Variants in SLC5A10 observed in about 807,000 individuals in gnomAD.
The protein encoded by SLC5A10 is sodium/mannose cotransporter SLC5A10.
In SLC5A10, 55 loss-of-function variants were observed where a neutral mutation model predicts 68.9. That is an observed-to-expected ratio of 0.80 (90% CI 0.64 to 1.00). SLC5A10 has a LOEUF of 1.00. Ranked by LOEUF, SLC5A10 falls within the 50% of genes least tolerant of loss-of-function variation. The pLI, the probability that SLC5A10 is intolerant of heterozygous loss-of-function variation, is 0.00. For synonymous variants in SLC5A10, 344 were observed against 344.8 expected, an observed-to-expected ratio of 1.00 and a Z score of 0.02; for missense variants, 732 against 819.3, an observed-to-expected ratio of 0.89 and a Z score of 1.30.
intron 11 of SLC5A10, 65 bp from the exon 12 acceptor site, chr17:19,019,358 G>T (rs940594645): frequency 1.9e-6 from 3 of 1,550,500 alleles, no homozygotes; most frequent in African/African-American, 2.7e-5. Context: ...TAGTGACCAG[G>T]GGAGGTGGGA....
intron 8 of SLC5A10, among the ~76,000 whole-genome samples, chr17:18,972,475 G>C (rs1158505466): frequency 6.6e-6 from 1 of 152,182 alleles, no homozygotes; most frequent in Non-Finnish European, 1.5e-5. Context: ...AGAGTGGAGT[G>C]ACTTTTCCGT....
intron 9 of SLC5A10, chr17:18,978,920 A>C: frequency 6.4e-7 from 1 of 1,554,464 alleles, no homozygotes; most frequent in African/African-American, 1.4e-5. Flanking sequence ...CCGTGCACCC[A>C]TAGCCGCTGG....
rs924423794 is a variant in SLC5A10, at chr17:19,017,587, C to T, written c.1242-1836C>T. 100 of 574,270 alleles carry T rather than the reference C, an allele frequency of 1.7e-4. 1 individual carries two copies. Among genetic ancestry groups the T allele is most frequent in the Non-Finnish European group, 7.4e-5 (24 of 322,620 alleles). The allele number at this position is 574,270 out of a possible 1,614,324, so 35.6% of individuals were successfully genotyped here. A position where few individuals can be genotyped will look rare whatever the true frequency, so the allele number is the denominator to read the frequency against. On this transcript the variant is annotated intron_variant, in intron 11 of 14. Coordinates refer to ENST00000395645, the MANE Select transcript of SLC5A10 (RefSeq NM_001042450.4). This position sits in a 1 kb window ranked among gnomAD's most constrained non-coding sequence, Gnocchi z 5.6. ...CACAGGCTGGGGGAGAGCGATGACCCGCCCCCACTCCCGTATGCCTGCCCC... is the reference window on the plus strand; with the variant it reads ...CACAGGCTGGGGGAGAGCGATGACCTGCCCCCACTCCCGTATGCCTGCCCC...
intron 9 of SLC5A10, among the ~76,000 whole-genome samples, chr17:19,012,828 G>C (rs2044044585): frequency 6.6e-6 from 1 of 152,238 alleles, no homozygotes; most frequent in Non-Finnish European, 1.5e-5. Flanking sequence ...GATGGGCTCT[G>C]ACCCCACGTC....
chr17:18,978,365 G>A lies in SLC5A10; in HGVS notation c.982+1376G>A, dbSNP rs780418569. 1.4e-5 allele frequency: 23 copies of A among 1,596,334 alleles called. No individual in the cohort carries two copies. The highest frequency in any genetic ancestry group is 1.8e-5 in the Non-Finnish European group (21 of 1,171,854). ...GCTGGGCTGGGGGTTCCAGATGTTG[G>A]GGTCGATGATATTGATGTAGCCCAG... On this transcript the variant is annotated intron_variant, in intron 9 of 14. Coordinates refer to ENST00000395645, the MANE Select transcript of SLC5A10 (RefSeq NM_001042450.4).
At chr17:18,989,441 G>A (rs530323218) in intron 9 of SLC5A10, among the ~76,000 whole-genome samples, 2 of 136,984 alleles carry the variant, frequency 1.5e-5, no homozygotes, top group African/African-American at 6.1e-5. Context: ...CTCCTCCTGG[G>A]CCTCAGGCCC....
chr17:18,966,650 T>C (rs1336842786), intron 5 of SLC5A10, among the ~76,000 whole-genome samples: 4 of 149,074 alleles, frequency 2.7e-5, no homozygotes, highest in African/African-American at 5.0e-5. Flanking sequence ...CTCAGGAGGC[T>C]GAGGCAGGAG....
In SLC5A10 at chr17:19,017,187, C is replaced by G; in HGVS notation, c.1241+1988C>G. 2 of 1,144,730 alleles carry G rather than the reference C, an allele frequency of 1.7e-6. No individual in the cohort carries two copies. The highest frequency in any genetic ancestry group is 2.5e-6 in the Non-Finnish European group (2 of 790,600). The allele number at this position is 1,144,730 out of a possible 1,614,324, so 70.9% of individuals were successfully genotyped here. A position where few individuals can be genotyped will look rare whatever the true frequency, so the allele number is the denominator to read the frequency against. The stretch of plus-strand genomic sequence containing the variant: ...GTGCAGGGCAGGTTGCTCACCCTCT[C>G]TGGGCCCCAGTTCTCTCAGCTGCCA... On this transcript the variant is annotated intron_variant, in intron 11 of 14. Transcript: ENST00000395645. This position sits in a 1 kb window ranked among gnomAD's most constrained non-coding sequence, Gnocchi z 5.6.
chr17:18,998,105 G>A lies in SLC5A10; in HGVS notation c.983-15305G>A, dbSNP rs142346057. On this transcript the variant is annotated intron_variant, in intron 9 of 14. Transcript: ENST00000395645. ...TGGCATTTAACCTGGCAAGGTACTC[G>A]AGCCCAGGGGTCATTCAGACCCTTA... Among the ~76,000 whole-genome samples the A allele has an allele frequency of 1.1e-3, 163 of 152,346 alleles. 1 individual carries two copies. Among genetic ancestry groups the A allele is most frequent in the Middle Eastern group, 3.4e-3 (1 of 294 alleles).
chr17:18,969,270 C>T (rs945111821), intron 6 of SLC5A10, 72 bp from the exon 7 acceptor site: 1 of 1,583,526 alleles, frequency 6.3e-7, no homozygotes, highest in Middle Eastern at 1.7e-4. Flanking sequence ...AGCAGGAGCC[C>T]CAGAAGTTCC....
At chr17:19,005,040 C>T (rs1008447806) in intron 9 of SLC5A10, among the ~76,000 whole-genome samples, 3 of 152,180 alleles carry the variant, frequency 2.0e-5, no homozygotes, top group East Asian at 1.9e-4. Context: ...CCCCCCTGTG[C>T]CCCCAGGGTC....
At chr17:18,998,719 A>C (rs1446555025) in intron 9 of SLC5A10, among the ~76,000 whole-genome samples, 1 of 152,152 alleles carries the variant, frequency 6.6e-6, no homozygotes, top group Non-Finnish European at 1.5e-5. Context: ...AGGAGTTAAC[A>C]CCTGGGATTA....
At chr17:18,995,521 C>G (rs1007235520) in intron 9 of SLC5A10, among the ~76,000 whole-genome samples, 1 of 152,032 alleles carries the variant, frequency 6.6e-6, no homozygotes, top group Non-Finnish European at 1.5e-5. Flanking sequence ...TAATTGCAGT[C>G]TCAGAAGGTG....
In SLC5A10 at chr17:18,996,371, C is replaced by T. The variant is rs772416987; in HGVS notation, c.983-17039C>T. Among the ~76,000 whole-genome samples the T allele has an allele frequency of 9.1e-4, 138 of 152,282 alleles. No individual in the cohort carries two copies. Among genetic ancestry groups the T allele is most frequent in the Non-Finnish European group, 1.6e-3 (110 of 68,020 alleles). On this transcript the variant is annotated intron_variant, in intron 9 of 14. Transcript: ENST00000395645. The surrounding 1 kb of genome is among the most constrained non-coding windows in gnomAD (Gnocchi z 4.4). ...GTCCCACTCCCCCTCCCCTCCTCCTCCCCTCCAGGGGGCTGGCAGAATTAG... is the reference window on the plus strand; with the variant it reads ...GTCCCACTCCCCCTCCCCTCCTCCTTCCCTCCAGGGGGCTGGCAGAATTAG...
intron 4 of SLC5A10, among the ~76,000 whole-genome samples, chr17:18,960,276 C>T (rs1156571440): frequency 1.3e-5 from 2 of 152,200 alleles, no homozygotes; most frequent in Non-Finnish European, 2.9e-5. Flanking sequence ...GCCACGGCCC[C>T]TCCAATCCAT....
At chr17:18,953,194 G>A (rs2042411118) in intron 1 of SLC5A10, among the ~76,000 whole-genome samples, 1 of 148,656 alleles carries the variant, frequency 6.7e-6, no homozygotes, top group African/African-American at 2.5e-5. Context: ...GGAGTGCAGT[G>A]GCACTATCTC....
chr17:19,004,059 C>A lies in SLC5A10; in HGVS notation c.983-9351C>A. 1 of 1,566,292 alleles carries A rather than the reference C, an allele frequency of 6.4e-7. No homozygotes were observed. The highest frequency in any genetic ancestry group is 8.7e-7 in the Non-Finnish European group (1 of 1,154,400). ...AAGGCCATGGCGCCGCCTGCCCGGGCACTGCTGCCGGGGGTGGGTGGGCAA... is the reference window on the plus strand; with the variant it reads ...AAGGCCATGGCGCCGCCTGCCCGGGAACTGCTGCCGGGGGTGGGTGGGCAA... On this transcript the variant is annotated intron_variant, in intron 9 of 14. Transcript: ENST00000395645. This position sits in a 1 kb window ranked among gnomAD's most constrained non-coding sequence, Gnocchi z 5.4.
At chr17:18,994,316 C>CT (rs1455226183) in intron 9 of SLC5A10, among the ~76,000 whole-genome samples, 1 of 152,196 alleles carries the variant, frequency 6.6e-6, no homozygotes, top group East Asian at 1.9e-4. Flanking sequence ...CCCACTATTT[C>CT]CAGGCTGCAG....
chr17:18,972,651 A>G (rs567875687), intron 8 of SLC5A10, among the ~76,000 whole-genome samples: 256 of 152,264 alleles, frequency 1.7e-3, no homozygotes, highest in African/African-American at 5.9e-3. Flanking sequence ...TCACGAGGTC[A>G]GGAGATCGAG....
Sources: allele counts gnomAD v4.1 joint callset (sites outside exome capture counted in the v4.1 genomes callset), GRCh38; gene constraint gnomAD v4.1.1; non-coding constraint Gnocchi (gnomAD v3.1); transcripts MANE v1.5; gene names NCBI Gene and HGNC (gene_info 2026-07-23, HGNC 2026-07-21).